The following UBE2R2 variants were observed in gnomAD, a reference collection of about 807,000 sequenced individuals.
UBE2R2 encodes ubiquitin conjugating enzyme E2 R2, also known as ubiquitin-conjugating enzyme E2 R2.
A neutral mutation model predicts 27.8 loss-of-function variants in UBE2R2; 1 was observed. The ratio of observed to expected loss-of-function variants is 0.04; its 90% confidence interval spans 0.01 to 0.17. The LOEUF is 0.17. Ranked by LOEUF, UBE2R2 falls within the 10% of genes least tolerant of loss-of-function variation. UBE2R2 has a pLI of 1.00. For synonymous variants in UBE2R2, 106 were observed against 113.3 expected (o/e 0.94, Z 0.41); for missense variants, 100 against 291.0 (o/e 0.34, Z 4.78).
intron 1 of UBE2R2, among the ~76,000 whole-genome samples, chr9:33,875,129 T>G (rs1821574377): frequency 6.6e-6 from 1 of 152,118 alleles, no homozygotes; most frequent in African/African-American, 2.4e-5. Flanking sequence ...TGTTTTACTT[T>G]TTAAAAAACT....
At chr9:33,829,158 G>A (rs766299701) in intron 1 of UBE2R2, among the ~76,000 whole-genome samples, 7 of 152,118 alleles carry the variant, frequency 4.6e-5, no homozygotes, top group African/African-American at 1.2e-4. Flanking sequence ...GTGAGCCACC[G>A]CGCCTGGCCT....
At chr9:33,828,613 G>A (rs189326142) in intron 1 of UBE2R2, among the ~76,000 whole-genome samples, 4 of 152,144 alleles carry the variant, frequency 2.6e-5, no homozygotes, top group East Asian at 1.9e-4. Flanking sequence ...CCAGCCTGGA[G>A]TGCAGTGGTG....
intron 1 of UBE2R2, chr9:33,818,541 A>AC (rs1299082058): frequency 2.1e-5 from 3 of 143,966 alleles, no homozygotes; most frequent in Non-Finnish European, 4.7e-5. Flanking sequence ...AAAAAAAAAA[A>AC]AAAAAAAAAA....
chr9:33,834,438 C>G (rs13287831), intron 1 of UBE2R2, among the ~76,000 whole-genome samples: 1 of 151,832 alleles, frequency 6.6e-6, no homozygotes, highest in African/African-American at 2.4e-5. Context: ...TCTCGCACTC[C>G]TGACCTTAGG....
At chr9:33,820,450 A>G (rs1257520646) in intron 1 of UBE2R2, among the ~76,000 whole-genome samples, 1 of 152,188 alleles carries the variant, frequency 6.6e-6, no homozygotes, top group African/African-American at 2.4e-5. Context: ...TTTCCCTTAT[A>G]TGGCCTTTTA....
intron 1 of UBE2R2, among the ~76,000 whole-genome samples, chr9:33,883,464 C>T (rs368961938): frequency 6.6e-6 from 1 of 151,980 alleles, no homozygotes; most frequent in East Asian, 1.9e-4. Context: ...GTCTGTAATC[C>T]CAGCACTTTG....
chr9:33,902,249 C>T (rs868010771), intron 3 of UBE2R2, among the ~76,000 whole-genome samples: 9 of 151,926 alleles, frequency 5.9e-5, no homozygotes, highest in African/African-American at 2.2e-4. Context: ...GGGGTCTCAC[C>T]ATGTTGCCCA....
chr9:33,884,198 A>ATCTCTCCCTCTC (rs1821798420), intron 1 of UBE2R2, among the ~76,000 whole-genome samples: 1 of 63,442 alleles, frequency 1.6e-5, no homozygotes, highest in Non-Finnish European at 3.0e-5. Flanking sequence ...CAACTTAAGA[A>ATCTCTCCCTCTC]TCTCTCTCTC....
intron 1 of UBE2R2, among the ~76,000 whole-genome samples, chr9:33,830,734 T>C (rs1482795355): frequency 6.9e-6 from 1 of 145,222 alleles, no homozygotes; most frequent in African/African-American, 2.6e-5. Flanking sequence ...GCCACTGCAA[T>C]CCAGCCTGGG....
At chr9:33,897,320 CT>C (rs36097436) in intron 2 of UBE2R2, among the ~76,000 whole-genome samples, 74,472 of 139,942 alleles carry the variant, frequency 0.53, 19,393 homozygotes, top group East Asian at 0.77. Context: ...CAGAAAAACT[CT>C]TTTTTTTTTT....
intron 3 of UBE2R2, among the ~76,000 whole-genome samples, chr9:33,910,597 A>C (rs1053433424): frequency 1.3e-5 from 2 of 152,222 alleles, no homozygotes; most frequent in African/African-American, 4.8e-5. Flanking sequence ...ACCATTGTAC[A>C]TCCAGCATCT....
intron 1 of UBE2R2, among the ~76,000 whole-genome samples, chr9:33,844,238 CTT>C (rs953097592): frequency 2.0e-5 from 3 of 152,190 alleles, no homozygotes; most frequent in African/African-American, 7.2e-5. Flanking sequence ...GAGTTTCACT[CTT>C]GTCGCCCAGG....
At position 33,877,823 on chromosome 9, in the gene UBE2R2, G is replaced by GTCTGTCTCTCTCTCTCTCTC; in HGVS notation, c.178-9055_178-9054insGTCTCTCTCTCTCTCTCTCT. Among the ~76,000 whole-genome samples, 482 of 131,060 alleles carry GTCTGTCTCTCTCTCTCTCTC rather than the reference G, an allele frequency of 3.7e-3. 8 individuals are homozygous for GTCTGTCTCTCTCTCTCTCTC. Among genetic ancestry groups the GTCTGTCTCTCTCTCTCTCTC allele is most frequent in the African/African-American group, 7.6e-3 (230 of 30,320 alleles). 86.0% of individuals were successfully genotyped at this position (131,060 alleles called of 152,430 possible). On this transcript the variant is annotated intron_variant, in intron 1 of 4. Coordinates refer to ENST00000263228, the MANE Select transcript of UBE2R2 (RefSeq NM_017811.4). ...TCTCTGTCTGTCTGTCTGTCTGTCT[G>GTCTGTCTCTCTCTCTCTCTC]TCTCTCTCTCTCTCTCTCTCTCTCT...
At chr9:33,840,513 C>G (rs765636220) in intron 1 of UBE2R2, among the ~76,000 whole-genome samples, 6 of 152,088 alleles carry the variant, frequency 3.9e-5, no homozygotes, top group Non-Finnish European at 8.8e-5. Flanking sequence ...TTTCTTCATT[C>G]CTTGTATATT....
In UBE2R2 at chr9:33,832,787, AAGT is replaced by A. The variant is rs567633591; in HGVS notation, c.177+14857_177+14859del. Among the ~76,000 whole-genome samples, 40 of 152,146 alleles carry A rather than the reference AAGT, an allele frequency of 2.6e-4. No homozygotes were observed. In the East Asian group the frequency reaches 7.7e-3, roughly 29 times the overall value. ...TTTAATTAAATTCTATTATAGTTTT[AAGT>A]AGTCAGGTTTATGGAGGTATAATTT... On this transcript the variant is annotated intron_variant, in intron 1 of 4. Transcript: ENST00000263228.
chr9:33,843,929 T>C (rs911457208), intron 1 of UBE2R2, among the ~76,000 whole-genome samples: 2 of 152,200 alleles, frequency 1.3e-5, no homozygotes, highest in African/African-American at 4.8e-5. Flanking sequence ...TAATTTTAGT[T>C]TAAAAATCTA....
At chr9:33,894,111 T>A (rs754548744) in intron 2 of UBE2R2, among the ~76,000 whole-genome samples, 1 of 152,070 alleles carries the variant, frequency 6.6e-6, no homozygotes, top group Non-Finnish European at 1.5e-5. Flanking sequence ...TTTCTTTACA[T>A]CCTTACCAAC....
chr9:33,868,148 T>C (rs2130776344), intron 1 of UBE2R2, among the ~76,000 whole-genome samples: 1 of 152,286 alleles, frequency 6.6e-6, no homozygotes, highest in South Asian at 2.1e-4. Flanking sequence ...GGCAGGCCCC[T>C]CTCCGAAGCC....
Position 33,911,176 on chromosome 9 carries a change from AG to A in UBE2R2, c.363-786del, listed in dbSNP as rs567204712. Among the ~76,000 whole-genome samples the A allele has an allele frequency of 3.3e-5, 5 of 152,080 alleles. No individual in the cohort carries two copies. In the South Asian group the frequency reaches 1.0e-3, roughly 32 times the overall value. On this transcript the variant is annotated intron_variant, in intron 3 of 4. Coordinates refer to ENST00000263228, the MANE Select transcript of UBE2R2 (RefSeq NM_017811.4). Reference sequence around the variant, plus strand: ...TTAATCGTAGCACTTTGGGAGGTTGAGGAGGGCGGATCACCTGAGGTCAGGA... The same window carrying A: ...TTAATCGTAGCACTTTGGGAGGTTGAGAGGGCGGATCACCTGAGGTCAGGA...
Sources: allele counts gnomAD v4.1 joint callset (sites outside exome capture counted in the v4.1 genomes callset), GRCh38; gene constraint gnomAD v4.1.1; transcripts MANE v1.5; gene names NCBI Gene and HGNC (gene_info 2026-07-23, HGNC 2026-07-21).